MRPS28: variants seen among roughly 807,000 people sequenced by gnomAD.
MRPS28 encodes mitochondrial ribosomal protein S28.
A neutral mutation model predicts 10.8 loss-of-function variants in MRPS28; 7 were observed. The ratio of observed to expected loss-of-function variants is 0.65; its 90% CI spans 0.37 to 1.22. The LOEUF is 1.22. Ranked by LOEUF, MRPS28 falls within the 50% of genes most tolerant of loss-of-function variation. The probability of loss-of-function intolerance (pLI) is 0.02; values close to 1 mark genes in which losing one functional copy is unlikely to be tolerated. For synonymous variants in MRPS28, 121 were observed against 93.3 expected (o/e 1.30, Z -1.71); for missense variants, 265 against 232.9 (o/e 1.14, Z -0.90).
At chr8:79,970,676 G>C (rs1329636665) in intron 2 of MRPS28, among the ~76,000 whole-genome samples, 2 of 152,152 alleles carry the variant, frequency 1.3e-5, no homozygotes, top group African/African-American at 4.8e-5. Flanking sequence ...TTAATTTGTG[G>C]TTGGAATAAC....
chr8:79,981,660 T>G (rs1301883927), intron 2 of MRPS28, among the ~76,000 whole-genome samples: 1 of 152,200 alleles, frequency 6.6e-6, no homozygotes, highest in African/African-American at 2.4e-5. Context: ...TTTACAGCAA[T>G]ATATTTTGGA....
At chr8:80,018,055 C>G (rs1443561757) in intron 1 of MRPS28, among the ~76,000 whole-genome samples, 2 of 151,884 alleles carry the variant, frequency 1.3e-5, no homozygotes, top group Non-Finnish European at 2.9e-5. Context: ...TTTGGGAGGC[C>G]GAGGCGGGCG....
At chr8:80,028,710 T>A (rs1200134155) in intron 1 of MRPS28, 1 of 125,478 alleles carries the variant, frequency 8.0e-6, no homozygotes, top group Non-Finnish European at 1.6e-5. Flanking sequence ...TCATCTGTAA[T>A]CCCAGCACTT....
chr8:79,961,322 G>A (rs1054163660), intron 2 of MRPS28, among the ~76,000 whole-genome samples: 1 of 152,024 alleles, frequency 6.6e-6, no homozygotes, highest in Non-Finnish European at 1.5e-5. Flanking sequence ...ACATAATTAA[G>A]TAATCTTTTC....
At chr8:79,988,132 T>C (rs1563535220) in intron 2 of MRPS28, among the ~76,000 whole-genome samples, 1 of 151,558 alleles carries the variant, frequency 6.6e-6, no homozygotes, top group South Asian at 2.1e-4. Context: ...GGGACATGGA[T>C]GAAACTGGAA....
intron 2 of MRPS28, among the ~76,000 whole-genome samples, chr8:79,974,269 G>C (rs1022603745): frequency 6.6e-6 from 1 of 152,050 alleles, no homozygotes; most frequent in Admixed American, 6.6e-5. Flanking sequence ...AGGCCGGCGC[G>C]GTGGCTCACG....
chr8:80,007,340 C>G (rs1808881194), intron 1 of MRPS28, among the ~76,000 whole-genome samples: 2 of 152,184 alleles, frequency 1.3e-5, no homozygotes, highest in South Asian at 4.1e-4. Context: ...AAACTGGAAG[C>G]ATTCCCTTTA....
At chr8:79,984,370 C>T (rs970427647) in intron 2 of MRPS28, among the ~76,000 whole-genome samples, 4 of 152,144 alleles carry the variant, frequency 2.6e-5, no homozygotes, top group Non-Finnish European at 5.9e-5. Flanking sequence ...CATCAACTAA[C>T]GAGCAAAACA....
At chr8:80,003,394 AGT>A (rs892164344) in intron 1 of MRPS28, among the ~76,000 whole-genome samples, 26 of 152,202 alleles carry the variant, frequency 1.7e-4, no homozygotes, top group Non-Finnish European at 3.2e-4. Context: ...GGTGGAGCAC[AGT>A]GGCTCACGCC....
chr8:79,920,582 A>C (rs1810063182), intron 2 of MRPS28, among the ~76,000 whole-genome samples: 1 of 152,218 alleles, frequency 6.6e-6, no homozygotes, highest in South Asian at 2.1e-4. Flanking sequence ...TGGTTGCATA[A>C]ATGTCTTCTT....
intron 2 of MRPS28, among the ~76,000 whole-genome samples, chr8:79,955,063 C>T (rs915048513): frequency 6.6e-6 from 1 of 152,086 alleles, no homozygotes; most frequent in African/African-American, 2.4e-5. Context: ...ATCTGTGAGG[C>T]ACACCCTTAA....
At chr8:79,929,614 A>AC (rs1255902404) in intron 2 of MRPS28, among the ~76,000 whole-genome samples, 4 of 150,748 alleles carry the variant, frequency 2.7e-5, no homozygotes, top group South Asian at 4.3e-4. Flanking sequence ...GTATGCCCCC[A>AC]CCCCCCCAAA....
chr8:79,971,218 T>G (rs1235296521), intron 2 of MRPS28, among the ~76,000 whole-genome samples: 1 of 152,110 alleles, frequency 6.6e-6, no homozygotes, highest in Admixed American at 6.5e-5. Context: ...AACCAGACAA[T>G]GGGGACTGAG....
chr8:79,975,509 T>C (rs1184683372), intron 2 of MRPS28, among the ~76,000 whole-genome samples: 2 of 152,134 alleles, frequency 1.3e-5, no homozygotes, highest in Non-Finnish European at 2.9e-5. Flanking sequence ...TAAATTTTTT[T>C]TAACAGTTAC....
intron 2 of MRPS28, among the ~76,000 whole-genome samples, chr8:79,932,712 G>A (rs1164979069): frequency 6.6e-6 from 1 of 152,194 alleles, no homozygotes; most frequent in Admixed American, 6.5e-5. Context: ...AGGGTGAAGT[G>A]CTAATCAGGA....
intron 1 of MRPS28, among the ~76,000 whole-genome samples, chr8:80,020,495 G>A (rs138657785): frequency 6.6e-6 from 1 of 152,302 alleles, no homozygotes; most frequent in East Asian, 1.9e-4. Context: ...ATGAAGAAAA[G>A]AGAAAAGCTG....
intron 2 of MRPS28, among the ~76,000 whole-genome samples, chr8:79,951,367 T>C (rs1798092133): frequency 6.6e-6 from 1 of 152,232 alleles, no homozygotes; most frequent in African/African-American, 2.4e-5. Context: ...TGCCAAGGTG[T>C]GTTATAAGGG....
chr8:79,936,066 G>T (rs1427344642), intron 2 of MRPS28, among the ~76,000 whole-genome samples: 1 of 151,666 alleles, frequency 6.6e-6, no homozygotes, highest in South Asian at 2.1e-4. Flanking sequence ...AATTAGAGGG[G>T]CCAGGTGTGG....
intron 1 of MRPS28, among the ~76,000 whole-genome samples, chr8:80,013,146 C>A (rs566209197): frequency 6.6e-6 from 1 of 151,796 alleles, no homozygotes; most frequent in African/African-American, 2.4e-5. Context: ...GAAAAAAAAA[C>A]CCTGAATAAG....
Sources: gnomAD v4.1 joint callset for allele counts (sites outside exome capture counted in the v4.1 genomes callset) on GRCh38, gnomAD v4.1.1 for gene constraint, MANE v1.5 for transcripts, NCBI Gene and HGNC (gene_info 2026-07-23, HGNC 2026-07-21) for gene names.